Variants in MAPK9 observed in about 807,000 individuals in gnomAD.
The protein encoded by MAPK9 is Jun kinase.
A neutral mutation model predicts 57.1 loss-of-function variants in MAPK9; 30 were observed. The observed-to-expected ratio is 0.53, with a 90% CI of 0.39 to 0.71. The LOEUF (loss-of-function observed/expected upper bound fraction) is 0.71. Ranked by LOEUF, MAPK9 falls within the 30% of genes least tolerant of loss-of-function variation. The pLI is 0.00. For synonymous variants in MAPK9, 155 were observed against 177.0 expected (o/e 0.88, Z 0.99); for missense variants, 362 against 521.0 (o/e 0.69, Z 2.97).
At chr5:180,252,070 T>C (rs1299895120) in intron 5 of MAPK9, among the ~76,000 whole-genome samples, 1 of 152,114 alleles carries the variant, frequency 6.6e-6, no homozygotes, top group African/African-American at 2.4e-5. Context: ...TCAGGGCTCC[T>C]CCACTTGCAG....
chr5:180,288,546 C>T (rs1762972022), intron 1 of MAPK9, among the ~76,000 whole-genome samples: 1 of 152,174 alleles, frequency 6.6e-6, no homozygotes, highest in East Asian at 1.9e-4. Flanking sequence ...CTACTGTACA[C>T]CTCCTGAGCA....
chr5:180,268,110 C>T (rs1282371137), intron 3 of MAPK9, among the ~76,000 whole-genome samples: 1 of 152,132 alleles, frequency 6.6e-6, no homozygotes, highest in Non-Finnish European at 1.5e-5. Flanking sequence ...AGGCGTGAGC[C>T]ACTGCACCCG....
intron 2 of MAPK9, among the ~76,000 whole-genome samples, chr5:180,275,457 A>G (rs1241147655): frequency 6.6e-6 from 1 of 152,176 alleles, no homozygotes; most frequent in Non-Finnish European, 1.5e-5. Flanking sequence ...GCCACACAAT[A>G]TTAGAGGGCC....
rs1283960322 is a variant in MAPK9, at chr5:180,260,541, T to A, written c.450+1143A>T. Among the ~76,000 whole-genome samples the A allele has an allele frequency of 4.6e-5, 7 of 152,358 alleles. No individual in the cohort carries two copies. In the East Asian group the frequency reaches 1.3e-3, roughly 29 times the overall value. On this transcript the variant is annotated intron_variant, in intron 5 of 11. Coordinates refer to ENST00000452135, the MANE Select transcript of MAPK9 (RefSeq NM_002752.5). ...ATTTCTAATGACCATCTCTGGACTGTTGATTTCCACCTTATTTAACACGAA... is the reference window on the plus strand; with the variant it reads ...ATTTCTAATGACCATCTCTGGACTGATGATTTCCACCTTATTTAACACGAA...
chr5:180,276,203 G>A (rs1761802779), intron 2 of MAPK9, among the ~76,000 whole-genome samples: 1 of 152,078 alleles, frequency 6.6e-6, no homozygotes, highest in African/African-American at 2.4e-5. Context: ...TATATTAATA[G>A]AAAATAAACC....
At chr5:180,241,678 T>A (rs895538535) in intron 8 of MAPK9, among the ~76,000 whole-genome samples, 3 of 152,228 alleles carry the variant, frequency 2.0e-5, no homozygotes, top group Non-Finnish European at 4.4e-5. Context: ...TTTACGCCTC[T>A]GGATCTGCAA....
chr5:180,240,664 T>C (rs1472964977), intron 9 of MAPK9, among the ~76,000 whole-genome samples: 3 of 152,178 alleles, frequency 2.0e-5, no homozygotes, highest in African/African-American at 7.2e-5. Context: ...TAGGGAAGGA[T>C]AAACAGACGT....
chr5:180,254,470 T>A (rs1759060871), intron 5 of MAPK9, among the ~76,000 whole-genome samples: 1 of 152,180 alleles, frequency 6.6e-6, no homozygotes, highest in South Asian at 2.1e-4. Context: ...AAGGAACTTT[T>A]AAGAGCAAAT....
At chr5:180,257,233 CG>C (rs1284319013) in intron 5 of MAPK9, among the ~76,000 whole-genome samples, 2 of 152,174 alleles carry the variant, frequency 1.3e-5, no homozygotes, top group Non-Finnish European at 2.9e-5. Context: ...CTCTGTGGGT[CG>C]GTGGGCTCTA....
At chr5:180,283,523 C>A (rs914554207) in intron 1 of MAPK9, among the ~76,000 whole-genome samples, 3 of 152,258 alleles carry the variant, frequency 2.0e-5, no homozygotes, top group Non-Finnish European at 1.5e-5. Context: ...AACTCTGCAA[C>A]TCTCCCTGCT....
intron 6 of MAPK9, among the ~76,000 whole-genome samples, chr5:180,248,617 G>A (rs553916115): frequency 3.3e-4 from 51 of 152,276 alleles, no homozygotes; most frequent in Non-Finnish European, 5.6e-4. Context: ...CAGGAGATTG[G>A]CCAGCCTCGT....
chr5:180,267,852 T>TTTTATTTA (rs542480114), intron 3 of MAPK9, among the ~76,000 whole-genome samples: 194 of 151,902 alleles, frequency 1.3e-3, no homozygotes, highest in South Asian at 9.6e-3. Flanking sequence ...ACGTTTTATA[T>TTTTATTTA]TTTATTTATT....
intron 5 of MAPK9, among the ~76,000 whole-genome samples, chr5:180,251,802 G>GCAGTGAA (rs1352633202): frequency 6.6e-6 from 1 of 152,042 alleles, no homozygotes; most frequent in Non-Finnish European, 1.5e-5. Flanking sequence ...GCAGCAGTGA[G>GCAGTGAA]GGTACCCACA....
At chr5:180,256,425 G>C (rs1422338919) in intron 5 of MAPK9, among the ~76,000 whole-genome samples, 3 of 152,098 alleles carry the variant, frequency 2.0e-5, no homozygotes, top group Non-Finnish European at 2.9e-5. Context: ...GGGCAAGAGG[G>C]AGTTTCCCCC....
chr5:180,269,156 T>C (rs920750418), intron 3 of MAPK9, 124 bp downstream of exon 3: 13 of 1,065,364 alleles, frequency 1.2e-5, no homozygotes, highest in Admixed American at 9.4e-5. Context: ...AAAACCAATG[T>C]TAATAGCCAT....
chr5:180,241,423 A>G lies in MAPK9; in HGVS notation c.872-268T>C, dbSNP rs113307724. Among the ~76,000 whole-genome samples the G allele has an allele frequency of 8.6e-3, 1,298 of 151,412 alleles. 15 individuals are homozygous for G. The highest frequency in any genetic ancestry group is 0.024 in the Admixed American group (368 of 15,210). The stretch of plus-strand genomic sequence containing the variant: ...CGCCATTCTCCTACCTCAGCCTCCC[A>G]AGCAGCTGGGACTACAGGCGTCTGC... On this transcript the variant is annotated intron_variant, in intron 8 of 11. Coordinates refer to ENST00000452135, the MANE Select transcript of MAPK9 (RefSeq NM_002752.5).
At chr5:180,280,804 G>A (rs182507688) in intron 1 of MAPK9, among the ~76,000 whole-genome samples, 196 bp from the exon 2 acceptor site, 3 of 152,266 alleles carry the variant, frequency 2.0e-5, no homozygotes, top group Admixed American at 2.0e-4. Context: ...ATGAAAGGAA[G>A]GAATTTTGAG....
At chr5:180,260,192 A>G (rs759792069) in intron 5 of MAPK9, among the ~76,000 whole-genome samples, 2 of 152,204 alleles carry the variant, frequency 1.3e-5, no homozygotes, top group South Asian at 4.1e-4. Context: ...AAAAGAACTC[A>G]TTTCTAAAAA....
rs146927916 is a variant in MAPK9 at position 180,268,046 on chromosome 5, T to G, written c.252+1234A>C. Among the ~76,000 whole-genome samples the G allele has an allele frequency of 0.016, 2,476 of 152,002 alleles. 95 individuals are homozygous for G. The East Asian group carries it at 0.17, about 11-fold the overall frequency. On this transcript the variant is annotated intron_variant, in intron 3 of 11. Transcript: ENST00000452135. ...TCACCATGTTAGCCAGGATGGTCTC[T>G]ATCTCCTGACGTCATGATCCACCCG...
Sources: allele counts gnomAD v4.1 joint callset (sites outside exome capture counted in the v4.1 genomes callset), GRCh38; gene constraint gnomAD v4.1.1; transcripts MANE v1.5; gene names NCBI Gene and HGNC (gene_info 2026-07-23, HGNC 2026-07-21).